The following FAM124B variants were observed in gnomAD, a reference collection of about 807,000 sequenced individuals.
The protein encoded by FAM124B is protein FAM124B.
FAM124B carries 18 observed loss-of-function variants against 19.7 expected under a neutral mutation model. That is an observed-to-expected ratio of 0.92 (90% CI 0.63 to 1.36). The LOEUF (loss-of-function observed/expected upper bound fraction) is 1.36. Ranked by LOEUF, FAM124B falls within the 40% of genes most tolerant of loss-of-function variation. The pLI, the probability that FAM124B is intolerant of heterozygous loss-of-function variation, is 0.00. For synonymous variants in FAM124B, 223 were observed against 225.2 expected (o/e 0.99, Z 0.09); for missense variants, 540 against 553.3 (o/e 0.98, Z 0.24).
In FAM124B at chr2:224,401,141, G is replaced by A. The variant is rs775563751; in HGVS notation, c.628C>T (p.Gln210Ter). ...KESSVLQFKV[Q>*]EIGQLVPLLP... ...AGAGGCACTAACTGGCCGATCTCTT[G>A]AACCTTAAACTGCAGCACCGAAGAC... The change falls in exon 1 of 2, where the codon CAA becomes TAA. Residue 210 changes from glutamine to a stop codon, truncating the protein, a stop_gained. Coordinates refer to ENST00000409685, the MANE Select transcript of FAM124B (RefSeq NM_001122779.2). LOFTEE classifies it high-confidence loss of function. 2 of 1,614,056 alleles carry A rather than the reference G, an allele frequency of 1.2e-6. No homozygotes were observed. Among genetic ancestry groups the A allele is most frequent in the Non-Finnish European group, 8.5e-7 (1 of 1,180,050 alleles).
intron 1 of FAM124B, among the ~76,000 whole-genome samples, chr2:224,391,390 T>C (rs913503311): frequency 6.6e-5 from 10 of 151,698 alleles, no homozygotes; most frequent in African/African-American, 2.4e-4. Context: ...ATCTTGCAAT[T>C]TTAAAAAACT....
In FAM124B at chr2:224,379,388, CA is replaced by C; in HGVS notation, c.*184del. 1.1e-6 allele frequency: 1 copy of C among 872,104 alleles called. No individual in the cohort carries two copies. The highest frequency in any genetic ancestry group is 3.3e-5 in the Admixed American group (1 of 30,026). The allele number at this position is 872,104 out of a possible 1,614,324, so 54.0% of individuals were successfully genotyped here. A position where few individuals can be genotyped will look rare whatever the true frequency, so the allele number is the denominator to read the frequency against. The stretch of plus-strand genomic sequence containing the variant: ...CTGTGTTCTCTTATGACTGTGACGG[CA>C]AATAAACAATCATTCCCAGCACCTT... On this transcript the variant is annotated 3_prime_UTR_variant, in exon 2 of 2. Transcript: ENST00000409685.
chr2:224,397,753 C>T (rs1330313222), intron 1 of FAM124B, among the ~76,000 whole-genome samples: 1 of 152,156 alleles, frequency 6.6e-6, no homozygotes, highest in African/African-American at 2.4e-5. Flanking sequence ...TTGCCCCTGC[C>T]CTAGAGATTT....
intron 1 of FAM124B, chr2:224,400,505 T>G (rs1396704117): frequency 1.4e-6 from 1 of 691,522 alleles, no homozygotes; most frequent in Non-Finnish European, 2.6e-6. Context: ...GACTCCCATC[T>G]CTAAAAAATA....
intron 1 of FAM124B, among the ~76,000 whole-genome samples, chr2:224,386,833 A>G (rs1689807304): frequency 6.6e-6 from 1 of 152,376 alleles, no homozygotes; most frequent in Admixed American, 6.5e-5. Context: ...ATTTTTGCAC[A>G]TAGAAATGAA....
At position 224,379,423 on chromosome 2, in the gene FAM124B, G is replaced by C; in HGVS notation, c.*150C>G. The C allele has an allele frequency of 2.7e-6, 3 of 1,118,398 alleles. No homozygotes were observed. Among genetic ancestry groups the C allele is most frequent in the Non-Finnish European group, 3.7e-6 (3 of 816,014 alleles). 69.3% of individuals were successfully genotyped at this position (1,118,398 alleles called of 1,614,324 possible). On this transcript the variant is annotated 3_prime_UTR_variant, in exon 2 of 2. Coordinates refer to ENST00000409685, the MANE Select transcript of FAM124B (RefSeq NM_001122779.2). ...ATCATTCCCAGCACCTTTAGACTTT[G>C]AACATTTGAAATAAAATCAATACAG...
At chr2:224,380,667 C>G (rs1374182318) in intron 1 of FAM124B, among the ~76,000 whole-genome samples, 1 of 152,216 alleles carries the variant, frequency 6.6e-6, no homozygotes, top group Non-Finnish European at 1.5e-5. Context: ...AGCTGGTGAT[C>G]CTTCTTTTAG....
At chr2:224,395,010 T>C (rs751147572) in intron 1 of FAM124B, among the ~76,000 whole-genome samples, 8 of 152,208 alleles carry the variant, frequency 5.3e-5, no homozygotes, top group Non-Finnish European at 1.2e-4. Flanking sequence ...CCATGAAATA[T>C]AGACCTTGCT....
rs1689685663 is a variant in FAM124B at position 224,379,856 on chromosome 2, T to C, written c.1085A>G (p.Asn362Ser). 1.3e-6 allele frequency: 2 copies of C among 1,552,166 alleles called. No individual in the cohort carries two copies. The highest frequency in any genetic ancestry group is 2.4e-5 in the East Asian group (1 of 40,918). The change falls in exon 2 of 2, where the codon AAT becomes AGT. Residue 362 changes from asparagine to serine, a missense_variant. Transcript: ENST00000409685. ...NSFQKLEAET[N>S]VDTGLTIINS... ...TATGATGGTCAAGCCGGTGTCAACATTCGTCTCGGCCTCAAGCTTCTGAAA... is the reference window on the plus strand; with the variant it reads ...TATGATGGTCAAGCCGGTGTCAACACTCGTCTCGGCCTCAAGCTTCTGAAA...
intron 1 of FAM124B, among the ~76,000 whole-genome samples, chr2:224,396,632 A>G (rs116237749): frequency 0.022 from 3,403 of 152,298 alleles, 112 homozygotes; most frequent in African/African-American, 0.077. Context: ...CCTTCCCTAA[A>G]AGTCCCACAG....
At chr2:224,397,582 G>A (rs1689994328) in intron 1 of FAM124B, among the ~76,000 whole-genome samples, 1 of 152,196 alleles carries the variant, frequency 6.6e-6, no homozygotes. Context: ...GGAAAGTTTG[G>A]AACTTCCTAG....
intron 1 of FAM124B, among the ~76,000 whole-genome samples, chr2:224,397,048 TCTC>T (rs1397717208): frequency 2.6e-5 from 4 of 152,204 alleles, no homozygotes; most frequent in Admixed American, 2.6e-4. Context: ...TCTTCTCTTC[TCTC>T]CTCTTTTCTT....
chr2:224,401,586 C>A lies in FAM124B; in HGVS notation c.183G>T (p.Arg61=), dbSNP rs139913202. The A allele has an allele frequency of 5.0e-6, 8 of 1,614,058 alleles. No individual in the cohort carries two copies. The African/African-American group carries it at 9.3e-5, about 19-fold the overall frequency. Residue 61 remains arginine (R), a synonymous_variant, in exon 1 of 2, where the codon CGG becomes CGT. Coordinates refer to ENST00000409685, the MANE Select transcript of FAM124B (RefSeq NM_001122779.2). Reference sequence around the variant, plus strand: ...ACACGGACATCCCTGGAAACCGGGACCGCTTGGAATGGGACTTTTCACAGT... The same window carrying A: ...ACACGGACATCCCTGGAAACCGGGAACGCTTGGAATGGGACTTTTCACAGT... ...VKYCEKSHSK[R]SRFPGMSVLL... is the part of the protein sequence containing the mutation.
intron 1 of FAM124B, among the ~76,000 whole-genome samples, chr2:224,391,613 CTG>C (rs1689890220): frequency 6.6e-6 from 1 of 152,150 alleles, no homozygotes; most frequent in Non-Finnish European, 1.5e-5. Flanking sequence ...TTCTTTAAAA[CTG>C]TAATGGAAAT....
At chr2:224,393,386 C>T (rs541651070) in intron 1 of FAM124B, among the ~76,000 whole-genome samples, 6 of 152,210 alleles carry the variant, frequency 3.9e-5, no homozygotes, top group Admixed American at 3.9e-4. Flanking sequence ...TGTTCTGTTA[C>T]TTATCTGTCC....
At chr2:224,389,464 A>G (rs571838357) in intron 1 of FAM124B, among the ~76,000 whole-genome samples, 1 of 152,330 alleles carries the variant, frequency 6.6e-6, no homozygotes, top group Non-Finnish European at 1.5e-5. Context: ...ATGTGGGCTT[A>G]AAGCAGGAAG....
intron 1 of FAM124B, among the ~76,000 whole-genome samples, chr2:224,386,440 A>G (rs913771720): frequency 6.6e-6 from 1 of 151,436 alleles, no homozygotes; most frequent in African/African-American, 2.5e-5. Flanking sequence ...ATTTTAGACC[A>G]CTTACTTAAT....
At chr2:224,388,858 G>A (rs1689838798) in intron 1 of FAM124B, among the ~76,000 whole-genome samples, 2 of 152,314 alleles carry the variant, frequency 1.3e-5, no homozygotes, top group Admixed American at 6.5e-5. Flanking sequence ...GTGTGGGAGT[G>A]AGCCCAGAGC....
intron 1 of FAM124B, among the ~76,000 whole-genome samples, chr2:224,395,624 G>A (rs971752693): frequency 6.6e-6 from 1 of 152,196 alleles, no homozygotes; most frequent in East Asian, 1.9e-4. Flanking sequence ...AACAATGTCT[G>A]GCCCAGAGCA....
Sources: gnomAD v4.1 joint callset for allele counts (sites outside exome capture counted in the v4.1 genomes callset) on GRCh38, gnomAD v4.1.1 for gene constraint, MANE v1.5 for transcripts, NCBI Gene and HGNC (gene_info 2026-07-23, HGNC 2026-07-21) for gene names.